The following DIDO1 variants were observed in gnomAD, a reference collection of about 807,000 sequenced individuals.
DIDO1 encodes the protein death inducer-obliterator 1.
A neutral mutation model predicts 99.4 loss-of-function variants in DIDO1; 16 were observed. The ratio of observed to expected loss-of-function variants is 0.16; its 90% CI spans 0.11 to 0.24. DIDO1 has a LOEUF of 0.24. Among genes scored for constraint, DIDO1 ranks in the 10% least tolerant of loss-of-function variants. The pLI, the probability that DIDO1 is intolerant of heterozygous loss-of-function variation, is 1.00. For missense variants in DIDO1, 2,996 were observed against 3,014.0 expected (o/e 0.99, Z 0.14); for synonymous variants, 1,366 against 1,239.1 (o/e 1.10, Z -2.15).
At chr20:62,883,662 T>C (rs900511925) in intron 15 of DIDO1, among the ~76,000 whole-genome samples, 2 of 152,136 alleles carry the variant, frequency 1.3e-5, no homozygotes, top group African/African-American at 4.8e-5. Context: ...CCGTCTCTAC[T>C]AAAAATACAA....
At chr20:62,899,370 G>A (rs1434470942) in intron 6 of DIDO1, among the ~76,000 whole-genome samples, 1 of 152,178 alleles carries the variant, frequency 6.6e-6, no homozygotes. Flanking sequence ...GATGTTTAAC[G>A]CTCACCTTGT....
At chr20:62,930,228 A>T (rs868831064), upstream of DIDO1, among the ~76,000 whole-genome samples, 1 of 152,174 alleles carries the variant, frequency 6.6e-6, no homozygotes, top group Admixed American at 6.5e-5. Context: ...CAAAAAAAAA[A>T]AAAACACAGA....
At chr20:62,890,599 G>A (rs921115381) in intron 15 of DIDO1, 23 of 1,088,082 alleles carry the variant, frequency 2.1e-5, no homozygotes, top group African/African-American at 3.3e-5. Context: ...GCTGGCTCCC[G>A]AGTCTGTCTA....
At chr20:62,899,534 T>TG (rs1479190045) in intron 6 of DIDO1, among the ~76,000 whole-genome samples, 5 of 152,222 alleles carry the variant, frequency 3.3e-5, no homozygotes, top group Admixed American at 2.0e-4. Context: ...AGTTGAGAGA[T>TG]GAGTTTTAGG....
upstream of DIDO1, among the ~76,000 whole-genome samples, chr20:62,931,339 T>C (rs1198931466): frequency 6.6e-6 from 1 of 152,194 alleles, no homozygotes. Flanking sequence ...CTCTAAGGTG[T>C]CTAAGTTTTC....
rs1274725340 is a variant in DIDO1 at position 62,926,156 on chromosome 20, A to T, written c.-200+283T>A. On this transcript the variant is annotated intron_variant, in intron 1 of 15. Coordinates refer to ENST00000395343, the MANE Select transcript of DIDO1 (RefSeq NM_001193369.2). ...CCTCGGAACCGTTCCAGCCGCGACC[A>T]CCGAGTGCTCGCCAGTCCCCTCGAC... is the stretch of plus-strand genomic sequence containing the variant. Among the ~76,000 whole-genome samples the T allele has an allele frequency of 6.6e-5, 10 of 151,504 alleles. No individual in the cohort carries two copies. The East Asian group carries it at 1.9e-3, about 29-fold the overall frequency.
Position 62,880,658 on chromosome 20 carries a change from A to G in DIDO1, c.5298T>C (p.Leu1766=). The G allele has an allele frequency of 6.2e-7, 1 of 1,612,708 alleles. No homozygotes were observed. Among genetic ancestry groups the G allele is most frequent in the East Asian group, 2.2e-5 (1 of 44,882 alleles). The stretch of plus-strand genomic sequence containing the variant: ...TTGGTCCCGGGAAATTGGGGCCGTG[A>G]AGCCCTGACATCCCCAAAGCATGAG... The part of the protein sequence containing the change: ...PGPHALGMSG[L]HGPNFPGPRG... Residue 1766 remains leucine, a synonymous_variant, in exon 16 of 16, where the codon CTT becomes CTC. Transcript: ENST00000395343.
chr20:62,902,557 TCCC>T (rs1013615916), intron 6 of DIDO1, among the ~76,000 whole-genome samples: 4 of 152,002 alleles, frequency 2.6e-5, no homozygotes, highest in East Asian at 1.9e-4. Flanking sequence ...GGTTCTAGAA[TCCC>T]CCCATGTATT....
chr20:62,889,688 C>T (rs2064359985), intron 15 of DIDO1: 1 of 985,312 alleles, frequency 1.0e-6, no homozygotes, highest in African/African-American at 1.7e-5. Context: ...CAGAGCTCTT[C>T]ACAAGCAACA....
chr20:62,890,565 T>C, intron 15 of DIDO1: 4 of 1,025,784 alleles, frequency 3.9e-6, no homozygotes, highest in Non-Finnish European at 4.7e-6. Context: ...AAGTGATCCC[T>C]GATGGAGCCA....
In DIDO1 at chr20:62,890,993, C is replaced by G; in HGVS notation, c.3508G>C (p.Val1170Leu). 6.2e-7 allele frequency: 1 copy of G among 1,614,148 alleles called. No individual in the cohort carries two copies. ...YLIPLSAQDP[V>L]PSKLLPFEGP... ...TCAAAGGGCAAGAGTTTGGATGGAA[C>G]AGGGTCCTGGGCGCTCAGCGGGATC... Residue 1170 changes from valine (V) to leucine (L), a missense_variant, in exon 15 of 16, where the codon GTT becomes CTT. Val to Leu is a conservative substitution (Grantham distance 32). Coordinates refer to ENST00000395343, the MANE Select transcript of DIDO1 (RefSeq NM_001193369.2).
chr20:62,932,750 C>G (rs2065343913), intron 1 of DIDO1, among the ~76,000 whole-genome samples: 1 of 152,204 alleles, frequency 6.6e-6, no homozygotes, highest in African/African-American at 2.4e-5. Context: ...TATTCTTGCT[C>G]TCACCCAAAC....
chr20:62,905,226 A>G (rs1239313992), intron 6 of DIDO1: 1 of 1,242,766 alleles, frequency 8.0e-7, no homozygotes, highest in African/African-American at 1.5e-5. Flanking sequence ...TCCTGCGGTC[A>G]GGACAGTGTT....
intron 15 of DIDO1, chr20:62,888,754 A>C: frequency 1.0e-6 from 1 of 985,480 alleles, no homozygotes; most frequent in Non-Finnish European, 1.2e-6. Flanking sequence ...CAAGTCAAGT[A>C]ATCAGTACGT....
chr20:62,926,363 C>T (rs1428105177), intron 1 of DIDO1, 76 bp downstream of exon 1: 1 of 152,040 alleles, frequency 6.6e-6, no homozygotes, highest in African/African-American at 2.4e-5. Flanking sequence ...GATGCCGGCC[C>T]CGCCCCGCTC....
At chr20:62,912,012 C>T (rs1300500569) in intron 2 of DIDO1, among the ~76,000 whole-genome samples, 1 of 152,206 alleles carries the variant, frequency 6.6e-6, no homozygotes, top group Non-Finnish European at 1.5e-5. Context: ...TCCCCAGCAC[C>T]TCCGCAGGCA....
rs1304929391 is a variant in DIDO1, at chr20:62,881,396, C to G, written c.4560G>C (p.Leu1520Phe). ...AGGACGACTTTGGTGGTGGAGACATCAAGGCGTCCGACACCGAGAAGTGGG... is the reference window on the plus strand; with the variant it reads ...AGGACGACTTTGGTGGTGGAGACATGAAGGCGTCCGACACCGAGAAGTGGG... Reference protein sequence around the residue: ...SMAHFSVSDALMSPPPKSSLP... With the variant: ...SMAHFSVSDAFMSPPPKSSLP... Residue 1520 changes from leucine (L) to phenylalanine (F), a missense_variant, in exon 16 of 16, where the codon TTG becomes TTC. Leu to Phe is a conservative substitution (Grantham distance 22). This residue lies in a region of DIDO1 where 1,562 missense variants were observed against 1,412.6 expected (regional missense o/e 1.11). Transcript: ENST00000395343. The surrounding 1 kb of genome is among the most constrained non-coding windows in gnomAD (Gnocchi z 8.3). 9 of 1,606,208 alleles carry G rather than the reference C, an allele frequency of 5.6e-6. 1 individual carries two copies. In the South Asian group the frequency reaches 9.9e-5, roughly 18 times the overall value.
intron 1 of DIDO1, among the ~76,000 whole-genome samples, chr20:62,922,111 C>CACACAATATATAT (rs1568885638): frequency 1.2e-4 from 6 of 50,326 alleles, no homozygotes; most frequent in African/African-American, 4.7e-4. Flanking sequence ...TATATATATA[C>CACACAATATATAT]ACACACACAC....
chr20:62,910,060 G>C, intron 3 of DIDO1, 40 bp from the exon 4 acceptor site: 4 of 1,579,318 alleles, frequency 2.5e-6, no homozygotes, highest in South Asian at 1.1e-5. Context: ...TGGGACGTGA[G>C]TGACAAGCAC....
Sources: gnomAD v4.1 joint callset for allele counts (sites outside exome capture counted in the v4.1 genomes callset) on GRCh38, gnomAD v4.1.1 for gene constraint, gnomAD v4.1.1 regional missense constraint, Gnocchi (gnomAD v3.1) non-coding constraint, MANE v1.5 for transcripts, NCBI Gene and HGNC (gene_info 2026-07-23, HGNC 2026-07-21) for gene names.